Variants in MTCH1 observed in about 807,000 individuals in gnomAD.
The protein encoded by MTCH1 is mitochondrial carrier homolog 1.
In MTCH1, 23 loss-of-function variants were observed where a neutral mutation model predicts 49.3. The ratio of observed to expected loss-of-function variants is 0.47; its 90% CI spans 0.34 to 0.66. The LOEUF (loss-of-function observed/expected upper bound fraction) is 0.66. Ranked by LOEUF, MTCH1 falls within the 30% of genes least tolerant of loss-of-function variation. The pLI, the probability that MTCH1 is intolerant of heterozygous loss-of-function variation, is 0.01. For synonymous variants in MTCH1, 229 were observed against 215.2 expected (o/e 1.06, Z -0.56); for missense variants, 397 against 532.1 (o/e 0.75, Z 2.50).
Position 36,977,570 on chromosome 6 carries a change from G to T in MTCH1, c.649+64C>A. On this transcript the variant is annotated intron_variant, in intron 5 of 11. Coordinates refer to ENST00000373627, the MANE Select transcript of MTCH1 (RefSeq NM_001271641.2). This position sits in a 1 kb window ranked among gnomAD's most constrained non-coding sequence, Gnocchi z 5.4. ...GTCTATGTACAGTCCACGAGGGGGC[G>T]CCCCTCACCCCACGCCCCCGACGCC... The T allele has an allele frequency of 1.7e-6, 2 of 1,166,410 alleles. No homozygotes were observed. Among genetic ancestry groups the T allele is most frequent in the African/African-American group, 1.5e-5 (1 of 66,242 alleles). The allele number at this position is 1,166,410 out of a possible 1,614,324, so 72.3% of individuals were successfully genotyped here.
chr6:36,968,359 G>A lies in MTCH1; in HGVS notation c.*544C>T, dbSNP rs930078334. ...TTGCATGATTTCCCATTCAGAGGCA[G>A]GTGCTGCCCTCATATCAGAAAAGTA... On this transcript the variant is annotated 3_prime_UTR_variant, in exon 12 of 12. Transcript: ENST00000373627. 1.7e-5 allele frequency: 4 copies of A among 242,100 alleles called. No individual in the cohort carries two copies. Among genetic ancestry groups the A allele is most frequent in the Non-Finnish European group, 2.5e-5 (3 of 121,134 alleles). The allele number at this position is 242,100 out of a possible 1,614,324, so 15.0% of individuals were successfully genotyped here.
intron 6 of MTCH1, chr6:36,976,692 G>A (rs1046056858): frequency 8.0e-5 from 34 of 422,862 alleles, no homozygotes; most frequent in Non-Finnish European, 4.9e-5. Flanking sequence ...ACCCACCTCC[G>A]TGTCAACACA....
upstream of MTCH1, chr6:36,986,243 G>T: frequency 1.5e-6 from 2 of 1,324,938 alleles, no homozygotes; most frequent in Admixed American, 4.1e-5. Context: ...TCAGGGGGCG[G>T]GGCCGGGGCG....
intron 7 of MTCH1, among the ~76,000 whole-genome samples, chr6:36,975,157 C>T (rs138770357): frequency 6.6e-6 from 1 of 152,234 alleles, no homozygotes; most frequent in East Asian, 1.9e-4. Flanking sequence ...ACAAGATTTT[C>T]TGGCTTTTCA....
Position 36,977,559 on chromosome 6 carries a change from C to T in MTCH1, c.649+75G>A. The stretch of plus-strand genomic sequence containing the variant: ...GGTCTACGGCTGTCTATGTACAGTC[C>T]ACGAGGGGGCGCCCCTCACCCCACG... On this transcript the variant is annotated intron_variant, in intron 5 of 11. Coordinates refer to ENST00000373627, the MANE Select transcript of MTCH1 (RefSeq NM_001271641.2). This position sits in a 1 kb window ranked among gnomAD's most constrained non-coding sequence, Gnocchi z 5.4. The T allele has an allele frequency of 9.6e-7, 1 of 1,036,822 alleles. No individual in the cohort carries two copies. Among genetic ancestry groups the T allele is most frequent in the Non-Finnish European group, 1.5e-6 (1 of 685,004 alleles). 64.2% of individuals were successfully genotyped at this position (1,036,822 alleles called of 1,614,324 possible). A position where few individuals can be genotyped will look rare whatever the true frequency, so the allele number is the denominator to read the frequency against.
chr6:36,975,218 G>A (rs914879014), intron 7 of MTCH1, among the ~76,000 whole-genome samples: 6 of 152,216 alleles, frequency 3.9e-5, no homozygotes, highest in African/African-American at 1.4e-4. Flanking sequence ...AATGTTAACG[G>A]CAACAACTAA....
rs1313552455 is a variant in MTCH1 at position 36,982,863 on chromosome 6, G to A, written c.322-1191C>T. On this transcript the variant is annotated intron_variant, in intron 1 of 11. Transcript: ENST00000373627. This position sits in a 1 kb window ranked among gnomAD's most constrained non-coding sequence, Gnocchi z 4.1. ...TCCTTCCTCCCTTGGCAAGGGGCCA[G>A]GATACCAGCCCTGTGCCCTCTAAGC... 6.6e-6 allele frequency among the ~76,000 whole-genome samples: 1 copy of A among 152,226 alleles called. No individual in the cohort carries two copies.
chr6:36,974,275 A>G lies in MTCH1; in HGVS notation c.761+1383T>C, dbSNP rs113783812. ...GAGTGCAGTGGTGCAATCATAGCTC[A>G]CTGCAGTCTCCAACTCCTGGGCTCA... On this transcript the variant is annotated intron_variant, in intron 7 of 11. Coordinates refer to ENST00000373627, the MANE Select transcript of MTCH1 (RefSeq NM_001271641.2). Among the ~76,000 whole-genome samples the G allele has an allele frequency of 7.0e-3, 1,072 of 152,110 alleles. 19 individuals carry two copies. Among genetic ancestry groups the G allele is most frequent in the African/African-American group, 0.023 (962 of 41,460 alleles).
chr6:36,969,721 G>T (rs1763604266), intron 11 of MTCH1: 3 of 1,242,308 alleles, frequency 2.4e-6, no homozygotes, highest in Non-Finnish European at 3.1e-6. Context: ...TGAAGGAGAA[G>T]CAGTTCTTGG....
At chr6:36,970,527 G>C (rs572719200) in intron 9 of MTCH1, 54 bp from the exon 10 acceptor site, 1 of 1,609,526 alleles carries the variant, frequency 6.2e-7, no homozygotes, top group East Asian at 2.2e-5. Flanking sequence ...CAGGGAGCAG[G>C]GACACACCAC....
At chr6:36,985,495 C>T (rs1253500853) in intron 1 of MTCH1, among the ~76,000 whole-genome samples, 1 of 151,950 alleles carries the variant, frequency 6.6e-6, no homozygotes, top group Non-Finnish European at 1.5e-5. Flanking sequence ...GCCCCAAATT[C>T]GCTCCCTTCC....
Position 36,986,070 on chromosome 6 carries a change from C to T in MTCH1, c.104G>A (p.Gly35Glu). The T allele has an allele frequency of 6.9e-7, 1 of 1,441,438 alleles. No individual in the cohort carries two copies. The allele number at this position is 1,441,438 out of a possible 1,614,324, so 89.3% of individuals were successfully genotyped here. Residue 35 changes from glycine to glutamate, a missense_variant, in exon 1 of 12, where the codon GGG becomes GAG. By Grantham distance (98) the Gly-to-Glu change is moderately conservative. Around this residue, in one of 2 missense-constraint regions of MTCH1, gnomAD observed 145 missense variants for 143.8 expected, o/e 1.01. Transcript: ENST00000373627. Reference protein sequence around the residue: ...GAGARGGAAAGVEARARDPPP... With the variant: ...GAGARGGAAAEVEARARDPPP... Reference sequence around the variant, plus strand: ...TGGATCGCGAGCTCGAGCCTCGACCCCCGCCGCCGCTCCGCCGCGAGCTCC... The same window carrying T: ...TGGATCGCGAGCTCGAGCCTCGACCTCCGCCGCCGCTCCGCCGCGAGCTCC...
intron 1 of MTCH1, among the ~76,000 whole-genome samples, chr6:36,984,983 G>A (rs1764244235): frequency 6.6e-6 from 1 of 151,314 alleles, no homozygotes; most frequent in African/African-American, 2.4e-5. Flanking sequence ...CTCCAAATGC[G>A]TCATCCCCCT....
In MTCH1 at chr6:36,986,026, G is replaced by A. The variant is rs1351297416; in HGVS notation, c.148C>T (p.His50Tyr). 2.0e-5 allele frequency: 31 copies of A among 1,512,608 alleles called. No homozygotes were observed. Among genetic ancestry groups the A allele is most frequent in the African/African-American group, 2.9e-5 (2 of 69,786 alleles). 93.7% of individuals were successfully genotyped at this position (1,512,608 alleles called of 1,614,324 possible). The change falls in exon 1 of 12, where the codon CAT (histidine) becomes TAT (tyrosine). Residue 50 changes from histidine (H) to tyrosine (Y), a missense_variant. Physicochemically the swap from His to Tyr is moderately conservative, Grantham distance 83. This residue lies in a region of MTCH1 where 145 missense variants were observed against 143.8 expected (regional missense o/e 1.01). Coordinates refer to ENST00000373627, the MANE Select transcript of MTCH1 (RefSeq NM_001271641.2). ...ARDPPPAHRA[H>Y]PRHPRPAAQP... ...GCCGCAGGCCGAGGGTGGCGAGGAT[G>A]TGCGCGGTGCGCGGGCGGTGGATCG...
At chr6:36,970,275 C>T in intron 10 of MTCH1, 131 bp downstream of exon 10, 1 of 1,458,508 alleles carries the variant, frequency 6.9e-7, no homozygotes, top group Non-Finnish European at 9.5e-7. Flanking sequence ...CAGCGGAAGC[C>T]AGGGTGCCTG....
chr6:36,968,436 C>A lies in MTCH1; in HGVS notation c.*467G>T. 2 of 329,952 alleles carry A rather than the reference C, an allele frequency of 6.1e-6. No homozygotes were observed. Among genetic ancestry groups the A allele is most frequent in the South Asian group, 4.8e-5 (2 of 41,546 alleles). 20.4% of individuals were successfully genotyped at this position (329,952 alleles called of 1,614,324 possible). Reference sequence around the variant, plus strand: ...TGGCCATTTGCCTCCTAGCATAGGCCTAGACATGATGGTGGCCACGTGCCA... The same window carrying A: ...TGGCCATTTGCCTCCTAGCATAGGCATAGACATGATGGTGGCCACGTGCCA... On this transcript the variant is annotated 3_prime_UTR_variant, in exon 12 of 12. Transcript: ENST00000373627.
chr6:36,980,014 C>T lies in MTCH1; in HGVS notation c.407-1403G>A, dbSNP rs894131204. 1.3e-5 allele frequency among the ~76,000 whole-genome samples: 2 copies of T among 152,162 alleles called. 1 individual carries two copies. The highest frequency in any genetic ancestry group is 4.1e-4 in the South Asian group (2 of 4,830). On this transcript the variant is annotated intron_variant, in intron 2 of 11. Coordinates refer to ENST00000373627, the MANE Select transcript of MTCH1 (RefSeq NM_001271641.2). ...CCTCTGGGAAGTTCTTTCTTCTACA[C>T]CAGAGAATGTCATGACAGCTGCAGT...
Position 36,977,253 on chromosome 6 carries a change from G to A in MTCH1, c.650-3C>T. The A allele has an allele frequency of 6.2e-7, 1 of 1,613,824 alleles. No individual in the cohort carries two copies. Among genetic ancestry groups the A allele is most frequent in the Non-Finnish European group, 8.5e-7 (1 of 1,179,908 alleles). On this transcript the variant is annotated splice_region_variant and splice_polypyrimidine_tract_variant and intron_variant, in intron 5 of 11. Transcript: ENST00000373627. This position sits in a 1 kb window ranked among gnomAD's most constrained non-coding sequence, Gnocchi z 5.4. ...GACCATGCAGCGCATTGAGATGACTGAGGAAAAAAAAGAAAACACACACAG... is the reference window on the plus strand; with the variant it reads ...GACCATGCAGCGCATTGAGATGACTAAGGAAAAAAAAGAAAACACACACAG...
At chr6:36,975,439 A>G (rs922444595) in intron 7 of MTCH1, among the ~76,000 whole-genome samples, 1 of 152,194 alleles carries the variant, frequency 6.6e-6, no homozygotes, top group Non-Finnish European at 1.5e-5. Flanking sequence ...TCCCCCATGT[A>G]CTAGACACAC....
Sources: allele counts gnomAD v4.1 joint callset (sites outside exome capture counted in the v4.1 genomes callset), GRCh38; gene constraint gnomAD v4.1.1; regional missense constraint gnomAD v4.1.1; non-coding constraint Gnocchi (gnomAD v3.1); transcripts MANE v1.5; gene names NCBI Gene and HGNC (gene_info 2026-07-23, HGNC 2026-07-21).